BTBD9: variants seen among roughly 807,000 people sequenced by gnomAD.
BTBD9 encodes the protein BTB/POZ domain-containing protein 9.
A neutral mutation model predicts 64.3 loss-of-function variants in BTBD9; 49 were observed. That is an observed-to-expected ratio of 0.76 (90% CI 0.61 to 0.97). The LOEUF (loss-of-function observed/expected upper bound fraction) is 0.97. Among genes scored for constraint, BTBD9 ranks in the 50% least tolerant of loss-of-function variants. BTBD9 has a pLI of 0.00. For synonymous variants in BTBD9, 260 were observed against 274.7 expected (o/e 0.95, Z 0.53); for missense variants, 598 against 762.1 (o/e 0.78, Z 2.53).
intron 7 of BTBD9, among the ~76,000 whole-genome samples, chr6:38,303,915 GTATA>G (rs145671357): frequency 5.4e-5 from 7 of 128,966 alleles, no homozygotes; most frequent in African/African-American, 2.0e-4. Context: ...GTATATATGT[GTATA>G]TATATATATA....
chr6:38,551,693 T>C (rs1774807881), intron 6 of BTBD9, among the ~76,000 whole-genome samples: 2 of 152,160 alleles, frequency 1.3e-5, no homozygotes, highest in South Asian at 2.1e-4. Context: ...CAATACACTA[T>C]ATTGCCTCTG....
intron 6 of BTBD9, among the ~76,000 whole-genome samples, chr6:38,457,100 A>G (rs1254258753): frequency 6.6e-6 from 1 of 152,182 alleles, no homozygotes; most frequent in Non-Finnish European, 1.5e-5. Context: ...AAGGACAAGA[A>G]GGTAGAACAT....
chr6:38,332,598 A>C (rs1454722285), intron 7 of BTBD9, among the ~76,000 whole-genome samples: 1 of 151,568 alleles, frequency 6.6e-6, no homozygotes, highest in South Asian at 2.1e-4. Context: ...TTTATTTTTT[A>C]TTTTTTTCAG....
At chr6:38,424,178 C>T (rs1370299864) in intron 6 of BTBD9, among the ~76,000 whole-genome samples, 1 of 151,954 alleles carries the variant, frequency 6.6e-6, no homozygotes, top group Non-Finnish European at 1.5e-5. Context: ...ATTTCCAAGG[C>T]ATCTGCACTG....
chr6:38,249,412 T>G (rs1224234563), intron 9 of BTBD9, among the ~76,000 whole-genome samples: 3 of 152,018 alleles, frequency 2.0e-5, no homozygotes, highest in Non-Finnish European at 4.4e-5. Flanking sequence ...TGCCATGATA[T>G]CTGGCTAATT....
At chr6:38,569,529 TAAC>T (rs909805623) in intron 6 of BTBD9, among the ~76,000 whole-genome samples, 8 of 152,186 alleles carry the variant, frequency 5.3e-5, no homozygotes, top group African/African-American at 1.9e-4. Context: ...TTTGTGGTAA[TAAC>T]AACAGGTGAT....
At chr6:38,586,962 C>G (rs1200201319) in intron 4 of BTBD9, among the ~76,000 whole-genome samples, 3 of 151,432 alleles carry the variant, frequency 2.0e-5, no homozygotes, top group African/African-American at 4.9e-5. Flanking sequence ...CCTCGGGAGG[C>G]TGGGGCAGGA....
intron 6 of BTBD9, among the ~76,000 whole-genome samples, chr6:38,365,802 C>T (rs1765164506): frequency 6.6e-6 from 1 of 150,884 alleles, no homozygotes. Context: ...TCTCCCAAGG[C>T]CAAATGCTAC....
rs1041303472 is a variant in BTBD9 at position 38,369,890 on chromosome 6, T to A, written c.1155-24797A>T. ...AATATAAATCTGAAATGAAGGCAAC[T>A]ATCATTGGCTATGTATTCTCACTGA... On this transcript the variant is annotated intron_variant, in intron 6 of 10. Coordinates refer to ENST00000481247, the MANE Select transcript of BTBD9 (RefSeq NM_001099272.2). Among the ~76,000 whole-genome samples, 3 of 152,228 alleles carry A rather than the reference T, an allele frequency of 2.0e-5. No individual in the cohort carries two copies. The East Asian group carries it at 5.8e-4, about 29-fold the overall frequency.
At chr6:38,315,658 T>C (rs1457217667) in intron 7 of BTBD9, among the ~76,000 whole-genome samples, 2 of 152,204 alleles carry the variant, frequency 1.3e-5, no homozygotes, top group African/African-American at 2.4e-5. Context: ...TTTTATTCCA[T>C]TGTGGTCAGA....
rs190938325 is a variant in BTBD9, at chr6:38,587,693, G to C, written c.814+4883C>G. 598 of 632,708 alleles carry C rather than the reference G, an allele frequency of 9.5e-4. 4 individuals are homozygous for C. In the African/African-American group the frequency reaches 9.9e-3, roughly 11 times the overall value. The allele number at this position is 632,708 out of a possible 1,614,324, so 39.2% of individuals were successfully genotyped here. A position where few individuals can be genotyped will look rare whatever the true frequency, so the allele number is the denominator to read the frequency against. ...AATAAAGTGAATCACTTATTGGATA[G>C]CTTGGAACCACCTGGAAAACCAGGA... is the stretch of plus-strand genomic sequence containing the variant. On this transcript the variant is annotated intron_variant, in intron 4 of 10. Transcript: ENST00000481247.
At chr6:38,374,297 G>GTGTGTATATATATATATATA (rs1582317340) in intron 6 of BTBD9, among the ~76,000 whole-genome samples, 2 of 53,700 alleles carry the variant, frequency 3.7e-5, no homozygotes, top group East Asian at 5.9e-4. Context: ...ATATATATAT[G>GTGTGTATATATATATATATA]TATATATATG....
chr6:38,522,071 C>T (rs1203233026), intron 6 of BTBD9, among the ~76,000 whole-genome samples: 2 of 152,164 alleles, frequency 1.3e-5, no homozygotes, highest in African/African-American at 2.4e-5. Context: ...TCCCACTGCC[C>T]GAGTGTGGGC....
At chr6:38,412,551 C>T (rs1370186135) in intron 6 of BTBD9, among the ~76,000 whole-genome samples, 2 of 147,564 alleles carry the variant, frequency 1.4e-5, no homozygotes, top group Non-Finnish European at 3.0e-5. Flanking sequence ...GCCATTTGGA[C>T]TACATTAAAA....
At chr6:38,311,797 CATTGT>C (rs778797210) in intron 7 of BTBD9, among the ~76,000 whole-genome samples, 1 of 152,136 alleles carries the variant, frequency 6.6e-6, no homozygotes, top group Non-Finnish European at 1.5e-5. Flanking sequence ...CATGATATCC[CATTGT>C]AGTTTTGGTG....
intron 1 of BTBD9, among the ~76,000 whole-genome samples, chr6:38,624,606 A>C (rs186742836): frequency 4.6e-5 from 7 of 152,304 alleles, no homozygotes; most frequent in African/African-American, 1.2e-4. Context: ...ATAGTAAAAA[A>C]ATAAAAACAA....
chr6:38,347,192 T>A lies in BTBD9; in HGVS notation c.1155-2099A>T, dbSNP rs527419768. Among the ~76,000 whole-genome samples the A allele has an allele frequency of 5.3e-5, 8 of 152,284 alleles. No homozygotes were observed. In the South Asian group the frequency reaches 1.7e-3, roughly 32 times the overall value. Reference sequence around the variant, plus strand: ...GAGAAAATGTGCAACCCTCCCCTCCTTTGCCCCGCAGTTATAAGCAACTGA... The same window carrying A: ...GAGAAAATGTGCAACCCTCCCCTCCATTGCCCCGCAGTTATAAGCAACTGA... On this transcript the variant is annotated intron_variant, in intron 6 of 10. Coordinates refer to ENST00000481247, the MANE Select transcript of BTBD9 (RefSeq NM_001099272.2).
intron 6 of BTBD9, among the ~76,000 whole-genome samples, chr6:38,404,837 C>T (rs927073257): frequency 6.6e-6 from 1 of 152,164 alleles, no homozygotes; most frequent in Non-Finnish European, 1.5e-5. Flanking sequence ...GAGTGGCCCG[C>T]ACTTGAAATA....
At chr6:38,505,294 T>C (rs1470293303) in intron 6 of BTBD9, among the ~76,000 whole-genome samples, 1 of 152,164 alleles carries the variant, frequency 6.6e-6, no homozygotes, top group Admixed American at 6.5e-5. Context: ...TCCACGTGTC[T>C]ACATTCCACA....
Sources: allele counts gnomAD v4.1 joint callset (sites outside exome capture counted in the v4.1 genomes callset), GRCh38; gene constraint gnomAD v4.1.1; transcripts MANE v1.5; gene names NCBI Gene and HGNC (gene_info 2026-07-23, HGNC 2026-07-21).